The following PLCG2 variants were observed in gnomAD, a reference collection of about 807,000 sequenced individuals.
PLCG2 encodes the protein phospholipase C gamma 2, also known as 1-phosphatidylinositol 4,5-bisphosphate phosphodiesterase gamma-2.
Under a neutral mutation model 175.6 loss-of-function variants are expected in PLCG2, and 69 were observed. The ratio of observed to expected loss-of-function variants is 0.39; its 90% CI spans 0.32 to 0.48. The LOEUF is 0.48. PLCG2 is among the 20% of genes least tolerant of loss of function. The pLI is 0.91. For missense variants in PLCG2, 1,798 were observed against 1,650.9 expected (o/e 1.09, Z -1.54); for synonymous variants, 827 against 624.0 (o/e 1.33, Z -4.85).
At chr16:81,896,564 C>T (rs772155573) in intron 13 of PLCG2, among the ~76,000 whole-genome samples, 3 of 151,804 alleles carry the variant, frequency 2.0e-5, no homozygotes, top group African/African-American at 7.3e-5. Flanking sequence ...GGCAACAGAG[C>T]GAGACCCTGT....
intron 3 of PLCG2, 115 bp downstream of exon 3, chr16:81,854,702 A>C (rs764340282): frequency 3.2e-6 from 3 of 932,298 alleles, no homozygotes; most frequent in African/African-American, 3.3e-5. Context: ...ATTTGGGGTC[A>C]TGGTTTTGAA....
At chr16:81,838,181 T>A (rs1905624574) in intron 2 of PLCG2, among the ~76,000 whole-genome samples, 1 of 151,942 alleles carries the variant, frequency 6.6e-6, no homozygotes. Context: ...TGGGTTCAAG[T>A]GATTCTCTTG....
intron 2 of PLCG2, among the ~76,000 whole-genome samples, chr16:81,849,104 G>C (rs1303427237): frequency 6.6e-6 from 1 of 152,158 alleles, no homozygotes; most frequent in African/African-American, 2.4e-5. Flanking sequence ...ACGTGGGGTT[G>C]GAGGGGTCAT....
chr16:81,885,820 C>T (rs1432931801), intron 9 of PLCG2, among the ~76,000 whole-genome samples: 1 of 152,146 alleles, frequency 6.6e-6, no homozygotes, highest in Non-Finnish European at 1.5e-5. Flanking sequence ...CCCTAGTAGG[C>T]TGATAAATGG....
At chr16:81,769,918 C>G (rs2143107269) in intron 2 of PLCG2, among the ~76,000 whole-genome samples, 1 of 151,830 alleles carries the variant, frequency 6.6e-6, no homozygotes, top group Non-Finnish European at 1.5e-5. Context: ...CGCTTAATGC[C>G]TCTGAGCCTC....
At chr16:81,868,205 G>A (rs1907340547) in intron 5 of PLCG2, among the ~76,000 whole-genome samples, 1 of 152,172 alleles carries the variant, frequency 6.6e-6, no homozygotes, top group South Asian at 2.1e-4. Flanking sequence ...CTTTGCAGAA[G>A]GTAGAATCTG....
intron 29 of PLCG2, 30 bp from the exon 30 acceptor site, chr16:81,939,862 G>C: frequency 6.5e-7 from 1 of 1,532,888 alleles, no homozygotes; most frequent in African/African-American, 1.4e-5. Context: ...GCTCCAATGT[G>C]GCCTCTCATG....
chr16:81,892,853 T>C (rs1009386528), intron 11 of PLCG2, among the ~76,000 whole-genome samples: 1 of 151,360 alleles, frequency 6.6e-6, no homozygotes, highest in African/African-American at 2.4e-5. Flanking sequence ...TAAACTTTTT[T>C]TTTTTTTTTT....
chr16:81,930,143 C>T (rs1016670036), intron 24 of PLCG2, among the ~76,000 whole-genome samples: 5 of 151,744 alleles, frequency 3.3e-5, no homozygotes, highest in Middle Eastern at 3.2e-3. Flanking sequence ...TTGAGACCAG[C>T]CTGGATAATG....
At position 81,921,429 on chromosome 16, in the gene PLCG2, T is replaced by G; in HGVS notation, c.2307+160T>G. On this transcript the variant is annotated intron_variant, in intron 21 of 32. Transcript: ENST00000564138. ...TTTGAGAAGAAAGGATGATTGATAA[T>G]ATCAAGCCTAGTTTCAGGGAAAATG... The G allele has an allele frequency of 2.9e-6, 2 of 678,434 alleles. 1 individual carries two copies. Among genetic ancestry groups the G allele is most frequent in the South Asian group, 3.1e-5 (2 of 64,080 alleles). The allele number at this position is 678,434 out of a possible 1,614,324, so 42.0% of individuals were successfully genotyped here. A position where few individuals can be genotyped will look rare whatever the true frequency, so the allele number is the denominator to read the frequency against.
intron 2 of PLCG2, among the ~76,000 whole-genome samples, chr16:81,820,491 C>T (rs1245018924): frequency 6.6e-6 from 1 of 152,216 alleles, no homozygotes; most frequent in Admixed American, 6.5e-5. Context: ...TTGCTAGTGT[C>T]AGTAGTTTTT....
chr16:81,906,376 C>T (rs2143645799), intron 15 of PLCG2: 1 of 152,232 alleles, frequency 6.6e-6, no homozygotes, highest in African/African-American at 2.4e-5. Context: ...TTTTACATGT[C>T]CGTTCTTATA....
At chr16:81,764,729 A>G (rs1273905227) in intron 2 of PLCG2, among the ~76,000 whole-genome samples, 7 of 152,204 alleles carry the variant, frequency 4.6e-5, no homozygotes, top group Non-Finnish European at 8.8e-5. Context: ...ACATAGCTGT[A>G]TTTGGAAAGA....
chr16:81,799,521 C>T (rs1019207698), intron 2 of PLCG2, among the ~76,000 whole-genome samples: 1 of 152,162 alleles, frequency 6.6e-6, no homozygotes, highest in African/African-American at 2.4e-5. Context: ...AACTCCTGGC[C>T]TCAAGAGATC....
intron 1 of PLCG2, chr16:81,739,434 C>G (rs1294122963): frequency 6.6e-6 from 1 of 152,106 alleles, no homozygotes; most frequent in East Asian, 1.9e-4. Flanking sequence ...CGAGTGGAGC[C>G]TGGTAAGTGG....
chr16:81,919,443 C>T (rs757518349), intron 19 of PLCG2, 41 bp from the exon 20 acceptor site: 2 of 1,552,478 alleles, frequency 1.3e-6, no homozygotes, highest in East Asian at 2.3e-5. Flanking sequence ...GTTTGGCCAC[C>T]AGGATCTTGG....
intron 2 of PLCG2, among the ~76,000 whole-genome samples, chr16:81,773,756 C>T (rs368730150): frequency 1.3e-4 from 20 of 152,266 alleles, no homozygotes; most frequent in African/African-American, 3.9e-4. Context: ...CACTCCTCCA[C>T]AGCAGCCCTA....
chr16:81,936,206 G>A lies in PLCG2; in HGVS notation c.2880G>A (p.Glu960=), dbSNP rs1389558955. The change falls in exon 27 of 33, where the codon GAG becomes GAA. Residue 960 remains glutamate, a synonymous_variant. Coordinates refer to ENST00000564138, the MANE Select transcript of PLCG2 (RefSeq NM_002661.5). ...PDFREIRSFV[E]TKADSIIRQK... ...TCCGAGAAATCCGCTCCTTTGTGGA[G>A]ACGAAGGCTGACAGCATCATCAGAC... 6.2e-7 allele frequency: 1 copy of A among 1,614,046 alleles called. No homozygotes were observed. The highest frequency in any genetic ancestry group is 1.3e-5 in the African/African-American group (1 of 74,928).
At chr16:81,871,690 T>C (rs4997772) in intron 7 of PLCG2, among the ~76,000 whole-genome samples, 83,145 of 151,990 alleles carry the variant, frequency 0.55, 23,497 homozygotes, top group Middle Eastern at 0.62. Context: ...TTGATTAAAA[T>C]AATAGACTAT....
Sources: gnomAD v4.1 joint callset for allele counts (sites outside exome capture counted in the v4.1 genomes callset) on GRCh38, gnomAD v4.1.1 for gene constraint, MANE v1.5 for transcripts, NCBI Gene and HGNC (gene_info 2026-07-23, HGNC 2026-07-21) for gene names.